HOGA1: variants seen among roughly 807,000 people sequenced by gnomAD.
The protein encoded by HOGA1 is 4-hydroxy-2-oxoglutarate aldolase 1.
A neutral mutation model predicts 34.3 loss-of-function variants in HOGA1; 30 were observed. The ratio of observed to expected loss-of-function variants is 0.87; its 90% CI spans 0.65 to 1.19. HOGA1 has a LOEUF of 1.19. HOGA1 is among the 50% of genes most tolerant of loss of function. HOGA1 has a pLI of 0.00. For synonymous variants in HOGA1, 161 were observed against 174.0 expected (o/e 0.93, Z 0.59); for missense variants, 417 against 436.5 (o/e 0.96, Z 0.40).
intron 6 of HOGA1, among the ~76,000 whole-genome samples, chr10:97,608,311 A>C (rs1238560962): frequency 6.6e-6 from 1 of 152,150 alleles, no homozygotes; most frequent in East Asian, 1.9e-4. Flanking sequence ...ACCCTGTCTC[A>C]AAAAAAGAAA....
rs372160388 is a variant in HOGA1 at position 97,611,663 on chromosome 10, C to T, written c.*4C>T. 10 of 1,611,634 alleles carry T rather than the reference C, an allele frequency of 6.2e-6. No individual in the cohort carries two copies. The East Asian group carries it at 1.1e-4, about 18-fold the overall frequency. On this transcript the variant is annotated 3_prime_UTR_variant, in exon 7 of 7. Coordinates refer to ENST00000370646, the MANE Select transcript of HOGA1 (RefSeq NM_138413.4). ...CACCAGCAACGGCTGGCTCTGAGGG[C>T]AGGCAGGGTCCATGGCTGGCCTGAG...
At chr10:97,586,355 A>T (rs1476805729) in intron 1 of HOGA1, among the ~76,000 whole-genome samples, 1 of 152,246 alleles carries the variant, frequency 6.6e-6, no homozygotes, top group Non-Finnish European at 1.5e-5. Context: ...TGACAGTGTG[A>T]TTGGCATTGC....
intron 6 of HOGA1, among the ~76,000 whole-genome samples, chr10:97,608,785 G>A (rs1207809122): frequency 2.1e-5 from 3 of 142,478 alleles, no homozygotes; most frequent in South Asian, 2.2e-4. Flanking sequence ...CAGCCTGGGC[G>A]ACAGAGTGGG....
At chr10:97,596,803 T>C (rs2041075373) in intron 1 of HOGA1, among the ~76,000 whole-genome samples, 1 of 151,350 alleles carries the variant, frequency 6.6e-6, no homozygotes, top group African/African-American at 2.4e-5. Flanking sequence ...GTGAACAGCA[T>C]GGAAAAAGTT....
intron 6 of HOGA1, among the ~76,000 whole-genome samples, chr10:97,610,973 G>A (rs1461001452): frequency 6.6e-6 from 1 of 152,168 alleles, no homozygotes; most frequent in Non-Finnish European, 1.5e-5. Context: ...AAACTTCCTT[G>A]GGAAATGATG....
At chr10:97,594,437 C>T (rs965748031) in intron 1 of HOGA1, among the ~76,000 whole-genome samples, 12 of 152,058 alleles carry the variant, frequency 7.9e-5, no homozygotes, top group African/African-American at 2.7e-4. Context: ...TCACTGCAAC[C>T]TCTGCCTCCT....
intron 6 of HOGA1, among the ~76,000 whole-genome samples, chr10:97,604,019 C>T (rs908666834): frequency 1.3e-5 from 2 of 152,218 alleles, no homozygotes; most frequent in African/African-American, 4.8e-5. Flanking sequence ...ACAGTCAAGA[C>T]ACAGAATATT....
Position 97,603,162 on chromosome 10 carries a change from C to T in HOGA1, c.834+1172C>T, listed in dbSNP as rs763961713. 1.3e-5 allele frequency among the ~76,000 whole-genome samples: 2 copies of T among 151,962 alleles called. No individual in the cohort carries two copies. Among genetic ancestry groups the T allele is most frequent in the East Asian group, 1.9e-4 (1 of 5,174 alleles). On this transcript the variant is annotated intron_variant, in intron 6 of 6. Transcript: ENST00000370646. The surrounding 1 kb of genome is among the most constrained non-coding windows in gnomAD (Gnocchi z 4.5). ...GATTACAGGCACGTGCCACCATACC[C>T]GGATAATTTTTTTGTATTTTTAGTA...
rs117055852 is a variant in HOGA1, at chr10:97,610,019, T to C, written c.835-1491T>C. ...TTTATCCTCCTAAGGTTTTAGCTTC[T>C]CTCCAAATAAAACTTTCTTAAGGAC... On this transcript the variant is annotated intron_variant, in intron 6 of 6. Transcript: ENST00000370646. Among the ~76,000 whole-genome samples, 452 of 152,346 alleles carry C rather than the reference T, an allele frequency of 3.0e-3. 2 individuals are homozygous for C. Among genetic ancestry groups the C allele is most frequent in the Non-Finnish European group, 4.3e-3 (293 of 68,034 alleles).
At chr10:97,606,296 C>T (rs1327852067) in intron 6 of HOGA1, among the ~76,000 whole-genome samples, 2 of 150,132 alleles carry the variant, frequency 1.3e-5, no homozygotes, top group Admixed American at 6.6e-5. Flanking sequence ...GAGACTCCAT[C>T]TCAGGGAAAA....
At chr10:97,597,892 G>A (rs939412160) in intron 1 of HOGA1, among the ~76,000 whole-genome samples, 35 of 152,186 alleles carry the variant, frequency 2.3e-4, no homozygotes, top group African/African-American at 8.2e-4. Flanking sequence ...TAAGGCTGCC[G>A]TGAGCCGTGA....
chr10:97,600,607 A>T (rs2135722922), intron 5 of HOGA1: 1 of 247,554 alleles, frequency 4.0e-6, no homozygotes, highest in Non-Finnish European at 8.0e-6. Context: ...CAGTTGCCTG[A>T]TCAGATTCTG....
At chr10:97,600,469 A>G (rs1409035451) in intron 5 of HOGA1, 1 of 459,352 alleles carries the variant, frequency 2.2e-6, no homozygotes. Context: ...CTCTAATCCC[A>G]CCTTGTACAT....
chr10:97,605,932 GAAGTACAATTTATC>G (rs1409231568), intron 6 of HOGA1, among the ~76,000 whole-genome samples: 1 of 151,972 alleles, frequency 6.6e-6, no homozygotes, highest in East Asian at 1.9e-4. Context: ...ACATTTTGAT[GAAGTACAATTTATC>G]AACATTTTCT....
intron 5 of HOGA1, 96 bp from the exon 6 acceptor site, chr10:97,601,761 T>C: frequency 1.4e-6 from 2 of 1,439,776 alleles, no homozygotes; most frequent in South Asian, 2.3e-5. Flanking sequence ...GAAATCTGTA[T>C]CTAATGTCCC....
At chr10:97,608,694 A>T (rs921982500) in intron 6 of HOGA1, among the ~76,000 whole-genome samples, 5 of 151,836 alleles carry the variant, frequency 3.3e-5, no homozygotes, top group African/African-American at 9.7e-5. Flanking sequence ...AATCCCAGCT[A>T]CTCAGGAGAC....
intron 6 of HOGA1, among the ~76,000 whole-genome samples, chr10:97,607,427 C>A (rs2041165790): frequency 1.3e-5 from 2 of 152,204 alleles, no homozygotes; most frequent in Non-Finnish European, 2.9e-5. Context: ...TGTCTGAAAG[C>A]TTTCCATCTT....
In HOGA1 at chr10:97,611,538, T is replaced by G. The variant is rs2041195681; in HGVS notation, c.863T>G (p.Leu288Arg). Residue 288 changes from leucine to arginine, a missense_variant, in exon 7 of 7, where the codon CTG becomes CGG. Coordinates refer to ENST00000370646, the MANE Select transcript of HOGA1 (RefSeq NM_138413.4). The stretch of plus-strand genomic sequence containing the variant: ...ACCCGGCGCTTTGGGATCCCAGGGC[T>G]GAAGAAAATCATGGACTGGTTTGGC... ...AVTRRFGIPG[L>R]KKIMDWFGYY... The G allele has an allele frequency of 3.1e-6, 5 of 1,614,124 alleles. No individual in the cohort carries two copies. In the South Asian group the frequency reaches 5.5e-5, roughly 18 times the overall value.
Position 97,611,739 on chromosome 10 carries a change from G to T in HOGA1, c.*80G>T. On this transcript the variant is annotated 3_prime_UTR_variant, in exon 7 of 7. Transcript: ENST00000370646. ...TTGCAGCCTGAAGCGGAGAGCACAG[G>T]GGGATGAGGGTGGCAGGCAGCGGGG... 1 of 1,511,718 alleles carries T rather than the reference G, an allele frequency of 6.6e-7. No individual in the cohort carries two copies. The highest frequency in any genetic ancestry group is 8.9e-7 in the Non-Finnish European group (1 of 1,119,354). 93.6% of individuals were successfully genotyped at this position (1,511,718 alleles called of 1,614,324 possible). A position where few individuals can be genotyped will look rare whatever the true frequency, so the allele number is the denominator to read the frequency against.
Sources: allele counts gnomAD v4.1 joint callset (sites outside exome capture counted in the v4.1 genomes callset), GRCh38; gene constraint gnomAD v4.1.1; non-coding constraint Gnocchi (gnomAD v3.1); transcripts MANE v1.5; gene names NCBI Gene and HGNC (gene_info 2026-07-23, HGNC 2026-07-21).